Variants in ENOPH1 observed in about 807,000 individuals in gnomAD.
ENOPH1 encodes the protein enolase-phosphatase 1.
ENOPH1 carries 14 observed loss-of-function variants against 31.1 expected under a neutral mutation model. The ratio of observed to expected loss-of-function variants is 0.45; its 90% CI spans 0.30 to 0.70. The LOEUF (loss-of-function observed/expected upper bound fraction) is 0.70, where lower values mean the gene tolerates loss of function less well. Among genes scored for constraint, ENOPH1 ranks in the 30% least tolerant of loss-of-function variants. The probability of loss-of-function intolerance (pLI) is 0.09; values close to 1 mark genes in which losing one functional copy is unlikely to be tolerated. For synonymous variants in ENOPH1, 127 were observed against 123.2 expected (o/e 1.03, Z -0.21); for missense variants, 243 against 321.5 (o/e 0.76, Z 1.87).
chr4:82,457,216 A>C (rs1275377859), intron 5 of ENOPH1, among the ~76,000 whole-genome samples, 178 bp downstream of exon 5: 1 of 152,128 alleles, frequency 6.6e-6, no homozygotes, highest in African/African-American at 2.4e-5. Context: ...AAAAAAAAAA[A>C]ACACAGCAGT....
chr4:82,440,116 G>A (rs1212788443), intron 1 of ENOPH1, among the ~76,000 whole-genome samples: 1 of 152,178 alleles, frequency 6.6e-6, no homozygotes, highest in Non-Finnish European at 1.5e-5. Flanking sequence ...AGATCACAAA[G>A]GAGTGATTAT....
chr4:82,430,629 C>T lies in ENOPH1; in HGVS notation c.-201C>T, dbSNP rs572541151. On this transcript the variant is annotated 5_prime_UTR_variant, in exon 1 of 6. Coordinates refer to ENST00000273920, the MANE Select transcript of ENOPH1 (RefSeq NM_021204.5). ...CCCCGTCCTGCTCACGAGTTCAGGG[C>T]TCCTGGGCGGCCGCCTTTTCCAGTT... is the stretch of plus-strand genomic sequence containing the variant. The T allele has an allele frequency of 2.4e-3, 1,362 of 575,060 alleles. 2 individuals carry two copies. Among genetic ancestry groups the T allele is most frequent in the Admixed American group, 4.4e-3 (144 of 32,914 alleles). The allele number at this position is 575,060 out of a possible 1,614,324, so 35.6% of individuals were successfully genotyped here.
In ENOPH1 at chr4:82,430,757, GCCGCAGCCGCAGC is replaced by G; in HGVS notation, c.-71_-59del. ...CCGGAAGCCCAAGACGGTACCGGGG[GCCGCAGCCGCAGC>G]CGGCGCCGCCCTCCGCCCTCCCCAA... On this transcript the variant is annotated 5_prime_UTR_variant, in exon 1 of 6. Transcript: ENST00000273920. 2.8e-6 allele frequency: 4 copies of G among 1,449,252 alleles called. No homozygotes were observed. The allele number at this position is 1,449,252 out of a possible 1,614,324, so 89.8% of individuals were successfully genotyped here. A position where few individuals can be genotyped will look rare whatever the true frequency, so the allele number is the denominator to read the frequency against.
At chr4:82,443,396 C>T (rs1722092199) in intron 1 of ENOPH1, among the ~76,000 whole-genome samples, 1 of 150,306 alleles carries the variant, frequency 6.7e-6, no homozygotes, top group African/African-American at 2.5e-5. Flanking sequence ...AAGATCATGC[C>T]ACTGCACTCC....
intron 1 of ENOPH1, among the ~76,000 whole-genome samples, chr4:82,434,487 G>T (rs1721856400): frequency 6.6e-6 from 1 of 152,134 alleles, no homozygotes; most frequent in African/African-American, 2.4e-5. Flanking sequence ...GCCGAGACAG[G>T]TGGATCACCT....
chr4:82,459,927 C>G, intron 5 of ENOPH1, 54 bp from the exon 6 acceptor site: 6 of 1,599,660 alleles, frequency 3.8e-6, no homozygotes, highest in Non-Finnish European at 5.1e-6. Flanking sequence ...CTGCAAATCT[C>G]AGACATCATT....
intron 1 of ENOPH1, among the ~76,000 whole-genome samples, chr4:82,439,321 G>C (rs1386502691): frequency 1.3e-5 from 2 of 152,194 alleles, no homozygotes; most frequent in African/African-American, 4.8e-5. Flanking sequence ...TGAGTAAAGA[G>C]AAACTAAGGC....
rs1243902898 is a variant in ENOPH1, at chr4:82,460,008, T to C, written c.674T>C (p.Val225Ala). The C allele has an allele frequency of 1.2e-6, 2 of 1,614,004 alleles. No homozygotes were observed. The highest frequency in any genetic ancestry group is 1.3e-5 in the African/African-American group (1 of 75,034). The change falls in exon 6 of 6, where the codon GTG becomes GCG. Residue 225 changes from valine (V) to alanine (A), a missense_variant. By Grantham distance (64) the Val-to-Ala change is moderately conservative. Transcript: ENST00000273920. ...GCCAGTGCTGCTGAGGAAGCAGATG[T>C]GCACGTAGCTGTGGTGGTGAGACCA... is the stretch of plus-strand genomic sequence containing the variant. Reference protein sequence around the residue: ...REASAAEEADVHVAVVVRPGN... With the variant: ...REASAAEEADAHVAVVVRPGN...
chr4:82,431,969 G>A (rs1361983547), intron 1 of ENOPH1, among the ~76,000 whole-genome samples: 1 of 151,384 alleles, frequency 6.6e-6, no homozygotes, highest in Non-Finnish European at 1.5e-5. Flanking sequence ...GGAGTGGAGT[G>A]GAGTGGTGCA....
chr4:82,438,860 C>T (rs186181226), intron 1 of ENOPH1, among the ~76,000 whole-genome samples: 65 of 152,306 alleles, frequency 4.3e-4, no homozygotes, highest in Non-Finnish European at 5.9e-5. Flanking sequence ...TGTGTTACCA[C>T]TCCACTAAAG....
Position 82,430,705 on chromosome 4 carries a change from C to A in ENOPH1, c.-125C>A, listed in dbSNP as rs1244706531. 3 of 826,518 alleles carry A rather than the reference C, an allele frequency of 3.6e-6. No individual in the cohort carries two copies. Among genetic ancestry groups the A allele is most frequent in the African/African-American group, 1.7e-5 (1 of 58,628 alleles). 51.2% of individuals were successfully genotyped at this position (826,518 alleles called of 1,614,324 possible). A position where few individuals can be genotyped will look rare whatever the true frequency, so the allele number is the denominator to read the frequency against. ...CCACGCGCGGCGGGCTGCACTTGGT[C>A]GCTGGCTCCGAGATCGCGCGGGGCC... On this transcript the variant is annotated 5_prime_UTR_variant, in exon 1 of 6. Transcript: ENST00000273920.
chr4:82,437,099 A>C (rs1721924652), intron 1 of ENOPH1, among the ~76,000 whole-genome samples: 1 of 151,938 alleles, frequency 6.6e-6, no homozygotes, highest in South Asian at 2.1e-4. Context: ...AAATTATAAA[A>C]AAAGAAAGCA....
chr4:82,440,238 C>T (rs1379325330), intron 1 of ENOPH1, among the ~76,000 whole-genome samples: 1 of 152,204 alleles, frequency 6.6e-6, no homozygotes, highest in African/African-American at 2.4e-5. Flanking sequence ...GGAAATGTTA[C>T]AGAACTACTG....
At chr4:82,431,392 A>G (rs2110034303) in intron 1 of ENOPH1, among the ~76,000 whole-genome samples, 1 of 152,356 alleles carries the variant, frequency 6.6e-6, no homozygotes, top group African/African-American at 2.4e-5. Context: ...GTGTCGGGCA[A>G]TCAAGGTTCC....
At chr4:82,447,626 G>C (rs935714558) in intron 1 of ENOPH1, among the ~76,000 whole-genome samples, 6 of 152,192 alleles carry the variant, frequency 3.9e-5, no homozygotes, top group African/African-American at 1.4e-4. Context: ...TGATGCAAAA[G>C]TAGCCACAGA....
At chr4:82,442,421 G>T (rs566309199) in intron 1 of ENOPH1, among the ~76,000 whole-genome samples, 3 of 152,158 alleles carry the variant, frequency 2.0e-5, no homozygotes, top group Non-Finnish European at 4.4e-5. Flanking sequence ...TCAGGAGGCC[G>T]AGGCAGGAAA....
chr4:82,457,732 C>G (rs974775212), intron 5 of ENOPH1, among the ~76,000 whole-genome samples: 1 of 152,150 alleles, frequency 6.6e-6, no homozygotes, highest in Non-Finnish European at 1.5e-5. Context: ...GTTGAGCCAG[C>G]CAGTTCTGGG....
At chr4:82,436,101 A>G (rs368231408) in intron 1 of ENOPH1, among the ~76,000 whole-genome samples, 2 of 152,208 alleles carry the variant, frequency 1.3e-5, no homozygotes, top group East Asian at 1.9e-4. Context: ...TACGTCTACC[A>G]TGGTTACTCC....
intron 1 of ENOPH1, among the ~76,000 whole-genome samples, chr4:82,442,445 A>T (rs959124815): frequency 2.0e-5 from 3 of 152,160 alleles, no homozygotes; most frequent in African/African-American, 4.8e-5. Context: ...GCTTGAACTC[A>T]GGAGGTGGAG....
Sources: allele counts gnomAD v4.1 joint callset (sites outside exome capture counted in the v4.1 genomes callset), GRCh38; gene constraint gnomAD v4.1.1; transcripts MANE v1.5; gene names NCBI Gene and HGNC (gene_info 2026-07-23, HGNC 2026-07-21).